Variants in XRN1 observed in about 807,000 individuals in gnomAD.
XRN1 encodes the protein strand-exchange protein 1 homolog.
XRN1 carries 67 observed loss-of-function variants against 222.3 expected under a neutral mutation model. The observed-to-expected ratio is 0.30, with a 90% CI of 0.25 to 0.37. The LOEUF is 0.37. Among genes scored for constraint, XRN1 ranks in the 10% least tolerant of loss-of-function variants. The pLI, the probability that XRN1 is intolerant of heterozygous loss-of-function variation, is 1.00. For synonymous variants in XRN1, 643 were observed against 652.4 expected, an observed-to-expected ratio of 0.99 and a Z score of 0.22; for missense variants, 1,707 against 2,000.2, an observed-to-expected ratio of 0.85 and a Z score of 2.80.
At chr3:142,367,920 T>C (rs1048391184) in intron 27 of XRN1, among the ~76,000 whole-genome samples, 1 of 120,492 alleles carries the variant, frequency 8.3e-6, no homozygotes, top group Non-Finnish European at 1.7e-5. Flanking sequence ...TCTCCTTTTA[T>C]TGCCCTAGTA....
At chr3:142,439,875 G>T (rs1346083850) in intron 1 of XRN1, among the ~76,000 whole-genome samples, 1 of 152,170 alleles carries the variant, frequency 6.6e-6, no homozygotes, top group Admixed American at 6.5e-5. Flanking sequence ...GGTCCGCAAG[G>T]ACACTTTAAA....
At chr3:142,353,157 A>G (rs988054166) in intron 32 of XRN1, among the ~76,000 whole-genome samples, 1 of 152,222 alleles carries the variant, frequency 6.6e-6, no homozygotes, top group Non-Finnish European at 1.5e-5. Flanking sequence ...AAGTGGAAAA[A>G]GTAAGTTGTT....
At chr3:142,400,569 T>G (rs767870302) in intron 18 of XRN1, 22 bp from the exon 19 acceptor site, 1 of 1,586,448 alleles carries the variant, frequency 6.3e-7, no homozygotes, top group South Asian at 1.2e-5. Flanking sequence ...AGCAAAAAAG[T>G]TCATTCATGA....
chr3:142,433,927 AC>A (rs373921997), intron 1 of XRN1, among the ~76,000 whole-genome samples: 112 of 152,300 alleles, frequency 7.4e-4, no homozygotes, highest in Admixed American at 3.7e-3. Context: ...ATCAATGAAC[AC>A]CATCAAAACA....
At chr3:142,392,325 CTTT>C (rs58724846) in intron 20 of XRN1, among the ~76,000 whole-genome samples, 2 of 143,314 alleles carry the variant, frequency 1.4e-5, no homozygotes, top group Middle Eastern at 3.6e-3. Context: ...CCAGCAATTT[CTTT>C]TTTTTTTTTT....
At chr3:142,424,595 T>G (rs1366705333) in intron 5 of XRN1, among the ~76,000 whole-genome samples, 5 of 152,156 alleles carry the variant, frequency 3.3e-5, no homozygotes, top group Admixed American at 2.0e-4. Context: ...CTGTTTTAGG[T>G]GGGATGATGG....
intron 20 of XRN1, among the ~76,000 whole-genome samples, chr3:142,387,509 T>A (rs9859834): frequency 0.47 from 71,828 of 151,986 alleles, 17,723 homozygotes; most frequent in African/African-American, 0.63. Flanking sequence ...ATACAGCCAT[T>A]CTTTGGGAGA....
At chr3:142,417,073 A>T in intron 13 of XRN1, 67 bp downstream of exon 13, 1 of 1,219,692 alleles carries the variant, frequency 8.2e-7, no homozygotes, top group South Asian at 1.5e-5. Context: ...GTGCTTCCTA[A>T]ATAAGACTCT....
intron 37 of XRN1, among the ~76,000 whole-genome samples, chr3:142,328,117 G>C (rs1192751414): frequency 1.3e-5 from 2 of 152,110 alleles, no homozygotes; most frequent in Non-Finnish European, 1.5e-5. Context: ...ATTGTGACTA[G>C]TGCTGCAATA....
At chr3:142,383,239 G>T in intron 22 of XRN1, 61 bp downstream of exon 22, 1 of 1,255,266 alleles carries the variant, frequency 8.0e-7, no homozygotes, top group Non-Finnish European at 1.1e-6. Context: ...TAAATGAAGA[G>T]AAGTTAAGTA....
intron 1 of XRN1, among the ~76,000 whole-genome samples, chr3:142,438,873 C>T (rs950156266): frequency 6.6e-6 from 1 of 152,150 alleles, no homozygotes; most frequent in African/African-American, 2.4e-5. Flanking sequence ...TTATGCCCTA[C>T]AGGAAGCCCT....
intron 23 of XRN1, among the ~76,000 whole-genome samples, chr3:142,379,639 T>C (rs1214956663): frequency 6.6e-6 from 1 of 152,236 alleles, no homozygotes; most frequent in Non-Finnish European, 1.5e-5. Flanking sequence ...TGCTGTTAAC[T>C]TAAATGCATT....
chr3:142,428,424 T>C (rs1251994679), intron 2 of XRN1, among the ~76,000 whole-genome samples: 2 of 151,922 alleles, frequency 1.3e-5, no homozygotes, highest in African/African-American at 4.8e-5. Flanking sequence ...ATTATTTCTG[T>C]TCTGAGATTA....
At chr3:142,384,451 C>A in intron 21 of XRN1, 72 bp downstream of exon 21, 2 of 1,215,272 alleles carry the variant, frequency 1.6e-6, no homozygotes, top group Non-Finnish European at 2.2e-6. Flanking sequence ...ATTAACATAT[C>A]TTTTCATTAT....
intron 27 of XRN1, 51 bp downstream of exon 27, chr3:142,370,432 AGT>A: frequency 6.4e-7 from 1 of 1,551,854 alleles, no homozygotes; most frequent in Non-Finnish European, 8.7e-7. Flanking sequence ...TGTAAAGTAT[AGT>A]CCATTTAATT....
chr3:142,359,785 A>C, intron 30 of XRN1, 77 bp downstream of exon 30: 1 of 1,145,142 alleles, frequency 8.7e-7, no homozygotes. Context: ...GAAATTGTAA[A>C]CAAATAAAAA....
At chr3:142,373,096 TAGAGA>T (rs1457923772) in intron 25 of XRN1, among the ~76,000 whole-genome samples, 1 of 151,998 alleles carries the variant, frequency 6.6e-6, no homozygotes, top group Non-Finnish European at 1.5e-5. Flanking sequence ...AAAAAGCAAT[TAGAGA>T]AAACAGAAAA....
At position 142,355,195 on chromosome 3, in the gene XRN1, A is replaced by T. The variant is rs547816463; in HGVS notation, c.3768+206T>A. On this transcript the variant is annotated intron_variant, in intron 32 of 40. Coordinates refer to ENST00000392981, the MANE Select transcript of XRN1 (RefSeq NM_001282857.2). ...AACCTCAGTGTCACACAGTATATTC[A>T]TGTAACAAACCTGTACATGTATCTC... 7 of 287,990 alleles carry T rather than the reference A, an allele frequency of 2.4e-5. No homozygotes were observed. The East Asian group carries it at 4.3e-4, about 18-fold the overall frequency. The allele number at this position is 287,990 out of a possible 1,614,324, so 17.8% of individuals were successfully genotyped here.
At chr3:142,373,513 G>A (rs917799532) in intron 25 of XRN1, among the ~76,000 whole-genome samples, 2 of 151,720 alleles carry the variant, frequency 1.3e-5, no homozygotes, top group Non-Finnish European at 2.9e-5. Context: ...GAGAAGGGAA[G>A]AAAAAAGATC....
Sources: allele counts gnomAD v4.1 joint callset (sites outside exome capture counted in the v4.1 genomes callset), GRCh38; gene constraint gnomAD v4.1.1; transcripts MANE v1.5; gene names NCBI Gene and HGNC (gene_info 2026-07-23, HGNC 2026-07-21).